Variants in CYRIA observed in about 807,000 individuals in gnomAD.
The protein encoded by CYRIA is CYFIP related Rac1 interactor A.
In CYRIA, 15 loss-of-function variants were observed where a neutral mutation model predicts 43.9. The ratio of observed to expected loss-of-function variants is 0.34; its 90% CI spans 0.23 to 0.53. CYRIA has a LOEUF of 0.53. CYRIA is among the 20% of genes least tolerant of loss of function. CYRIA has a pLI of 0.94. For missense variants in CYRIA, 236 were observed against 394.2 expected (o/e 0.60, Z 3.40); for synonymous variants, 117 against 136.0 (o/e 0.86, Z 0.97).
chr2:16,632,583 T>G (rs1431000462), intron 1 of CYRIA, among the ~76,000 whole-genome samples: 3 of 152,230 alleles, frequency 2.0e-5, no homozygotes, highest in African/African-American at 7.2e-5. Flanking sequence ...TTGGATACTC[T>G]GAGGTTGGTC....
At chr2:16,600,910 A>C (rs1335930791) in intron 2 of CYRIA, among the ~76,000 whole-genome samples, 1 of 152,228 alleles carries the variant, frequency 6.6e-6, no homozygotes, top group Non-Finnish European at 1.5e-5. Context: ...AGATAGAGTC[A>C]CATTTGACAT....
intron 4 of CYRIA, among the ~76,000 whole-genome samples, chr2:16,564,492 T>C (rs1303073646): frequency 2.0e-5 from 3 of 152,230 alleles, no homozygotes; most frequent in Non-Finnish European, 2.9e-5. Flanking sequence ...CAGTTTGTCA[T>C]GTTACCTAAA....
At chr2:16,657,706 T>C (rs1414734610) in intron 1 of CYRIA, among the ~76,000 whole-genome samples, 1 of 152,182 alleles carries the variant, frequency 6.6e-6, no homozygotes, top group Non-Finnish European at 1.5e-5. Context: ...AAACCTTCTT[T>C]GAGACTCTTT....
At position 16,553,006 on chromosome 2, in the gene CYRIA, GGA is replaced by G; in HGVS notation, c.909-9_909-8del. On this transcript the variant is annotated splice_polypyrimidine_tract_variant and splice_region_variant and intron_variant, in intron 11 of 11. Coordinates refer to ENST00000381323, the MANE Select transcript of CYRIA (RefSeq NM_030797.4). Reference sequence around the variant, plus strand: ...CAAGTGCTTTGTAGTGAACCTGGATGGAGAGAGAATGGTAGAGGTTAGCGGCA... The same window carrying G: ...CAAGTGCTTTGTAGTGAACCTGGATGGAGAGAATGGTAGAGGTTAGCGGCA... 6.3e-7 allele frequency: 1 copy of G among 1,593,442 alleles called. No individual in the cohort carries two copies. The highest frequency in any genetic ancestry group is 1.3e-5 in the African/African-American group (1 of 74,640).
intron 1 of CYRIA, among the ~76,000 whole-genome samples, chr2:16,640,721 C>T (rs1669651223): frequency 6.6e-6 from 1 of 152,174 alleles, no homozygotes; most frequent in African/African-American, 2.4e-5. Context: ...CCAGAGATGA[C>T]CTGGATGCGT....
At chr2:16,575,878 A>AAAGT (rs112809752) in intron 3 of CYRIA, among the ~76,000 whole-genome samples, 5 of 147,910 alleles carry the variant, frequency 3.4e-5, no homozygotes, top group Non-Finnish European at 7.4e-5. Flanking sequence ...ATAAATAAAT[A>AAAGT]AAATAAATAA....
chr2:16,604,707 C>T (rs1180240638), intron 2 of CYRIA, among the ~76,000 whole-genome samples: 5 of 152,200 alleles, frequency 3.3e-5, no homozygotes, highest in African/African-American at 1.2e-4. Context: ...AATGAAGTAG[C>T]TCAGTTGATA....
chr2:16,608,703 T>C (rs1009512296), intron 2 of CYRIA, among the ~76,000 whole-genome samples: 5 of 152,250 alleles, frequency 3.3e-5, no homozygotes, highest in African/African-American at 1.2e-4. Flanking sequence ...GTTCTTAGTG[T>C]AGCATCTGGC....
intron 11 of CYRIA, among the ~76,000 whole-genome samples, chr2:16,554,627 A>G (rs1429225156): frequency 6.6e-6 from 1 of 152,198 alleles, no homozygotes; most frequent in Non-Finnish European, 1.5e-5. Context: ...CTTGAGTCAC[A>G]TGCAGTCAGA....
chr2:16,634,214 C>G (rs1439912017), intron 1 of CYRIA, among the ~76,000 whole-genome samples: 3 of 152,226 alleles, frequency 2.0e-5, no homozygotes, highest in Non-Finnish European at 4.4e-5. Flanking sequence ...TACACCAACA[C>G]TAGGAAGGGG....
intron 9 of CYRIA, chr2:16,560,634 C>T (rs1346640986): frequency 8.1e-6 from 2 of 248,060 alleles, no homozygotes; most frequent in African/African-American, 4.4e-5. Context: ...CATGTCAACT[C>T]CTGGTTTTAT....
intron 3 of CYRIA, among the ~76,000 whole-genome samples, chr2:16,583,741 A>T (rs149258538): frequency 6.6e-6 from 1 of 152,306 alleles, no homozygotes; most frequent in Non-Finnish European, 1.5e-5. Flanking sequence ...CCAGACTTCA[A>T]AGAGGACATG....
intron 1 of CYRIA, among the ~76,000 whole-genome samples, chr2:16,637,516 A>T (rs1226707995): frequency 6.6e-6 from 1 of 152,176 alleles, no homozygotes; most frequent in Non-Finnish European, 1.5e-5. Flanking sequence ...CCACATCTTG[A>T]TCTTGGACTT....
intron 2 of CYRIA, among the ~76,000 whole-genome samples, chr2:16,615,195 T>G (rs889035351): frequency 6.6e-6 from 1 of 152,214 alleles, no homozygotes; most frequent in Non-Finnish European, 1.5e-5. Flanking sequence ...ACCTCAGAAC[T>G]GCTGAACGCA....
At chr2:16,644,210 G>A (rs1245162795) in intron 1 of CYRIA, among the ~76,000 whole-genome samples, 3 of 152,308 alleles carry the variant, frequency 2.0e-5, no homozygotes, top group Middle Eastern at 3.4e-3. Flanking sequence ...GTGCAGTATT[G>A]GATATGTAAC....
intron 10 of CYRIA, 37 bp downstream of exon 10, chr2:16,559,420 GGGC>G: frequency 6.3e-7 from 1 of 1,599,092 alleles, no homozygotes; most frequent in South Asian, 1.1e-5. Context: ...CAACATTCAT[GGGC>G]CCTTATTTGG....
At chr2:16,664,696 T>G (rs111866026) in intron 1 of CYRIA, among the ~76,000 whole-genome samples, 2 of 152,272 alleles carry the variant, frequency 1.3e-5, no homozygotes, top group South Asian at 2.1e-4. Flanking sequence ...GACTCGACAC[T>G]GTGCAGATGG....
chr2:16,572,644 T>C (rs183170004), intron 3 of CYRIA, among the ~76,000 whole-genome samples: 81 of 152,312 alleles, frequency 5.3e-4, no homozygotes, highest in African/African-American at 1.9e-3. Flanking sequence ...TAGGAGTCTA[T>C]ATTCTGAATA....
At chr2:16,578,143 G>C (rs1462690554) in intron 3 of CYRIA, among the ~76,000 whole-genome samples, 2 of 152,204 alleles carry the variant, frequency 1.3e-5, no homozygotes, top group Non-Finnish European at 2.9e-5. Flanking sequence ...CCCAGCTCTG[G>C]TAAAGGGCCT....
Sources: allele counts gnomAD v4.1 joint callset (sites outside exome capture counted in the v4.1 genomes callset), GRCh38; gene constraint gnomAD v4.1.1; transcripts MANE v1.5; gene names NCBI Gene and HGNC (gene_info 2026-07-23, HGNC 2026-07-21).